SLC6A11: variants seen among roughly 807,000 people sequenced by gnomAD.
SLC6A11 encodes sodium- and chloride-dependent GABA transporter 3.
SLC6A11 carries 25 observed loss-of-function variants against 74.8 expected under a neutral mutation model. The ratio of observed to expected loss-of-function variants is 0.33; its 90% CI spans 0.24 to 0.47. The LOEUF (loss-of-function observed/expected upper bound fraction) is 0.47. Ranked by LOEUF, SLC6A11 falls within the 20% of genes least tolerant of loss-of-function variation. The pLI, the probability that SLC6A11 is intolerant of heterozygous loss-of-function variation, is 1.00. For missense variants in SLC6A11, 574 were observed against 837.0 expected (o/e 0.69, Z 3.88); for synonymous variants, 330 against 330.2 (o/e 1.00, Z 0.01).
At chr3:10,930,144 G>C (rs1277525559) in intron 10 of SLC6A11, among the ~76,000 whole-genome samples, 1 of 152,188 alleles carries the variant, frequency 6.6e-6, no homozygotes, top group African/African-American at 2.4e-5. Context: ...AAGCATTTGG[G>C]TTCATGCCAC....
At chr3:10,832,230 C>T (rs1694307353) in intron 4 of SLC6A11, among the ~76,000 whole-genome samples, 1 of 152,192 alleles carries the variant, frequency 6.6e-6, no homozygotes. Flanking sequence ...GCCCTGCAAA[C>T]CCACCCACCA....
At chr3:10,828,585 C>A (rs1215381767) in intron 4 of SLC6A11, among the ~76,000 whole-genome samples, 5 of 152,176 alleles carry the variant, frequency 3.3e-5, no homozygotes, top group African/African-American at 1.2e-4. Context: ...TCTTTCTGTT[C>A]TTTAGATGTA....
At chr3:10,928,473 G>A (rs1284094691) in intron 9 of SLC6A11, among the ~76,000 whole-genome samples, 4 of 152,110 alleles carry the variant, frequency 2.6e-5, no homozygotes, top group Non-Finnish European at 5.9e-5. Context: ...GGGGGTGGTC[G>A]GTATCTTAGG....
At chr3:10,873,138 C>A (rs922257628) in intron 5 of SLC6A11, among the ~76,000 whole-genome samples, 1 of 152,164 alleles carries the variant, frequency 6.6e-6, no homozygotes, top group Non-Finnish European at 1.5e-5. Context: ...ACAGTCCCTG[C>A]GGGCCTTGAT....
intron 1 of SLC6A11, among the ~76,000 whole-genome samples, chr3:10,818,462 C>T (rs574886379): frequency 6.6e-6 from 1 of 152,298 alleles, no homozygotes; most frequent in African/African-American, 2.4e-5. Context: ...GAGATCCCAA[C>T]AATAAAGTAT....
chr3:10,844,179 C>T, intron 4 of SLC6A11, 35 bp from the exon 5 acceptor site: 1 of 1,613,750 alleles, frequency 6.2e-7, no homozygotes, highest in African/African-American at 1.3e-5. Flanking sequence ...TGGGCCAGCC[C>T]CAGCCCCAGT....
intron 10 of SLC6A11, among the ~76,000 whole-genome samples, chr3:10,932,426 C>T (rs745893643): frequency 6.6e-6 from 1 of 152,194 alleles, no homozygotes; most frequent in Non-Finnish European, 1.5e-5. Context: ...TTTATCACCA[C>T]CTACTGTGCA....
At chr3:10,869,645 G>A (rs1020539620) in intron 5 of SLC6A11, among the ~76,000 whole-genome samples, 3 of 152,246 alleles carry the variant, frequency 2.0e-5, no homozygotes, top group African/African-American at 4.8e-5. Flanking sequence ...CAAGTCACAC[G>A]GCAAGCCCAG....
chr3:10,927,371 T>C (rs1355953147), intron 9 of SLC6A11, among the ~76,000 whole-genome samples: 2 of 152,314 alleles, frequency 1.3e-5, no homozygotes, highest in African/African-American at 4.8e-5. Flanking sequence ...GCACAAAAAG[T>C]GGCGGCCACT....
intron 8 of SLC6A11, among the ~76,000 whole-genome samples, chr3:10,920,256 A>G (rs1695518688): frequency 6.6e-6 from 1 of 152,238 alleles, no homozygotes; most frequent in African/African-American, 2.4e-5. Flanking sequence ...ACTTTTTCTT[A>G]TTCAAATTGA....
intron 6 of SLC6A11, among the ~76,000 whole-genome samples, chr3:10,905,172 T>C (rs965955928): frequency 1.3e-5 from 2 of 152,264 alleles, no homozygotes; most frequent in Non-Finnish European, 2.9e-5. Flanking sequence ...AGACTTGGGA[T>C]AATGCTTTGG....
chr3:10,873,955 A>ACGC (rs1694875074), intron 5 of SLC6A11, among the ~76,000 whole-genome samples: 4 of 150,766 alleles, frequency 2.7e-5, no homozygotes, highest in South Asian at 2.1e-4. Flanking sequence ...ATCCTATGCT[A>ACGC]TGCTACGCTA....
At chr3:10,837,262 A>C (rs1694379014) in intron 4 of SLC6A11, among the ~76,000 whole-genome samples, 1 of 152,166 alleles carries the variant, frequency 6.6e-6, no homozygotes, top group Admixed American at 6.5e-5. Flanking sequence ...ATGTTTGGGG[A>C]CTGATGGAGA....
At chr3:10,873,966 T>TACGCTACGCTACGCTACGCTAC (rs1559567223) in intron 5 of SLC6A11, among the ~76,000 whole-genome samples, 16 of 130,052 alleles carry the variant, frequency 1.2e-4, no homozygotes, top group Non-Finnish European at 2.0e-4. Flanking sequence ...TGCTACGCTA[T>TACGCTACGCTACGCTACGCTAC]GCTATGCTAC....
At chr3:10,840,899 A>T (rs773546097) in intron 4 of SLC6A11, among the ~76,000 whole-genome samples, 1 of 152,186 alleles carries the variant, frequency 6.6e-6, no homozygotes, top group Non-Finnish European at 1.5e-5. Flanking sequence ...TCATACTTGA[A>T]AAGCCATTGA....
At position 10,926,440 on chromosome 3, in the gene SLC6A11, A is replaced by G. The variant is rs2272396; in HGVS notation, c.1233+324A>G. The stretch of plus-strand genomic sequence containing the variant: ...TTGCTAAATACTTCCCTTCTGCTCA[A>G]CCACTCCTGCCAACAGCACTGCCTG... On this transcript the variant is annotated intron_variant, in intron 9 of 13. Coordinates refer to ENST00000254488, the MANE Select transcript of SLC6A11 (RefSeq NM_014229.3). This position sits in a 1 kb window ranked among gnomAD's most constrained non-coding sequence, Gnocchi z 5.7. Among the ~76,000 whole-genome samples, 8 of 152,124 alleles carry G rather than the reference A, an allele frequency of 5.3e-5. No individual in the cohort carries two copies. Among genetic ancestry groups the G allele is most frequent in the Admixed American group, 1.3e-4 (2 of 15,274 alleles).
intron 6 of SLC6A11, among the ~76,000 whole-genome samples, chr3:10,898,635 G>C (rs1695200119): frequency 1.3e-5 from 2 of 152,144 alleles, no homozygotes; most frequent in Admixed American, 1.3e-4. Context: ...GGATTTCATT[G>C]TCCATGTCAT....
At chr3:10,892,835 A>G (rs1454643265) in intron 6 of SLC6A11, among the ~76,000 whole-genome samples, 6 of 152,204 alleles carry the variant, frequency 3.9e-5, no homozygotes, top group African/African-American at 9.7e-5. Flanking sequence ...CTCCAAGGTT[A>G]TAGATGACAG....
intron 5 of SLC6A11, among the ~76,000 whole-genome samples, chr3:10,858,425 G>A (rs867933216): frequency 6.6e-6 from 1 of 152,156 alleles, no homozygotes; most frequent in African/African-American, 2.4e-5. Context: ...TGCTGTGTGA[G>A]GATGGTCCCC....
Sources: gnomAD v4.1 joint callset for allele counts (sites outside exome capture counted in the v4.1 genomes callset) on GRCh38, gnomAD v4.1.1 for gene constraint, Gnocchi (gnomAD v3.1) non-coding constraint, MANE v1.5 for transcripts, NCBI Gene and HGNC (gene_info 2026-07-23, HGNC 2026-07-21) for gene names.